SYT14: variants seen among roughly 807,000 people sequenced by gnomAD.
SYT14 encodes the protein synaptotagmin-14.
Under a neutral mutation model 74.2 loss-of-function variants are expected in SYT14, and 32 were observed. That is an observed-to-expected ratio of 0.43 (90% CI 0.33 to 0.58). The LOEUF is 0.58. Among genes scored for constraint, SYT14 ranks in the 20% least tolerant of loss-of-function variants. SYT14 has a pLI of 0.05. For missense variants in SYT14, 791 were observed against 981.8 expected (o/e 0.81, Z 2.60); for synonymous variants, 298 against 337.7 (o/e 0.88, Z 1.29).
chr1:210,115,819 T>A (rs1210131168), intron 7 of SYT14, among the ~76,000 whole-genome samples: 3 of 150,834 alleles, frequency 2.0e-5, no homozygotes, highest in South Asian at 2.1e-4. Context: ...CCAAGGGAGG[T>A]CTCCCAGTCT....
intron 5 of SYT14, among the ~76,000 whole-genome samples, chr1:210,053,846 T>A (rs918750126): frequency 6.6e-6 from 1 of 152,214 alleles, no homozygotes; most frequent in Non-Finnish European, 1.5e-5. Flanking sequence ...TTTGTTTGTT[T>A]TTTTACTTTC....
chr1:210,036,822 G>C (rs1378099437), intron 5 of SYT14, among the ~76,000 whole-genome samples: 1 of 151,866 alleles, frequency 6.6e-6, no homozygotes. Flanking sequence ...GTACTGCTAG[G>C]TTCAGTTTGC....
At chr1:210,012,175 C>T (rs1292892110) in intron 2 of SYT14, among the ~76,000 whole-genome samples, 1 of 152,172 alleles carries the variant, frequency 6.6e-6, no homozygotes, top group Admixed American at 6.5e-5. Context: ...AAAATATAAT[C>T]ATAGAGTCCA....
At chr1:210,041,308 T>C (rs1225100949) in intron 5 of SYT14, among the ~76,000 whole-genome samples, 1 of 152,184 alleles carries the variant, frequency 6.6e-6, no homozygotes, top group Non-Finnish European at 1.5e-5. Flanking sequence ...GAGGGACTTA[T>C]GGTGGCTACT....
chr1:209,951,224 C>A (rs1230835251), intron 1 of SYT14, among the ~76,000 whole-genome samples: 1 of 152,132 alleles, frequency 6.6e-6, no homozygotes, highest in African/African-American at 2.4e-5. Flanking sequence ...CTCTAAAACT[C>A]CTCATCTATC....
chr1:209,985,409 A>G (rs1166357206), intron 2 of SYT14, among the ~76,000 whole-genome samples: 1 of 152,222 alleles, frequency 6.6e-6, no homozygotes, highest in Non-Finnish European at 1.5e-5. Context: ...TTCAGGGCAC[A>G]CTGCTTCAAG....
chr1:210,026,662 C>A (rs1029142591), intron 5 of SYT14, among the ~76,000 whole-genome samples: 1 of 150,802 alleles, frequency 6.6e-6, no homozygotes, highest in South Asian at 2.1e-4. Context: ...ACTTGTCATT[C>A]TCTTTCTGTT....
At chr1:210,156,683 C>CTTTTTTTTTTTT (rs71146208) in intron 8 of SYT14, among the ~76,000 whole-genome samples, 4 of 55,962 alleles carry the variant, frequency 7.1e-5, no homozygotes, top group Non-Finnish European at 1.3e-4. Flanking sequence ...GTGGCAGCTT[C>CTTTTTTTTTTTT]TTTTTTTTTT....
chr1:210,084,002 G>A (rs1356459200), intron 5 of SYT14, among the ~76,000 whole-genome samples: 3 of 152,120 alleles, frequency 2.0e-5, no homozygotes, highest in Non-Finnish European at 4.4e-5. Context: ...ATCATGCCTG[G>A]CCTAGAAGAT....
At chr1:210,145,798 G>A (rs1023423055) in intron 7 of SYT14, among the ~76,000 whole-genome samples, 1 of 152,084 alleles carries the variant, frequency 6.6e-6, no homozygotes, top group African/African-American at 2.4e-5. Context: ...CCCTATGCCT[G>A]CTGAAATACT....
rs572056285 is a variant in SYT14, at chr1:210,090,020, C to T, written c.1313-4302C>T. 7.8e-4 allele frequency among the ~76,000 whole-genome samples: 119 copies of T among 152,220 alleles called. 1 individual carries two copies. Among genetic ancestry groups the T allele is most frequent in the Non-Finnish European group, 1.3e-3 (89 of 68,010 alleles). On this transcript the variant is annotated intron_variant, in intron 5 of 9. Transcript: ENST00000637265. ...GACCAGTCTGATTGGTTGGAGGAGGCGACCAATCAGAGGCTGAAGTGAAGT... is the reference window on the plus strand; with the variant it reads ...GACCAGTCTGATTGGTTGGAGGAGGTGACCAATCAGAGGCTGAAGTGAAGT...
At chr1:210,140,675 T>A (rs2082895790) in intron 7 of SYT14, among the ~76,000 whole-genome samples, 2 of 152,166 alleles carry the variant, frequency 1.3e-5, no homozygotes, top group African/African-American at 4.8e-5. Context: ...GTTGATTTTT[T>A]AATACGGTGT....
intron 7 of SYT14, among the ~76,000 whole-genome samples, chr1:210,101,162 T>C (rs1049103374): frequency 6.6e-6 from 1 of 152,152 alleles, no homozygotes; most frequent in Non-Finnish European, 1.5e-5. Context: ...GAGAAATGTC[T>C]GCACTGTTTA....
chr1:210,136,929 C>G (rs879444662), intron 7 of SYT14, among the ~76,000 whole-genome samples: 3 of 152,000 alleles, frequency 2.0e-5, no homozygotes, highest in Admixed American at 2.0e-4. Context: ...AATCTGTGAG[C>G]CAGGTGGAAT....
chr1:210,000,466 G>GCGCACACACACACA lies in SYT14; in HGVS notation c.-485-13166_-485-13165insGCACACACACACAC, dbSNP rs1553264180. On this transcript the variant is annotated intron_variant, in intron 2 of 9. Transcript: ENST00000637265. ...TTATTTTAGTCCTTTGTCCTCATAC[G>GCGCACACACACACA]CACACACACACACACACACACACAC... is the stretch of plus-strand genomic sequence containing the variant. Among the ~76,000 whole-genome samples, 204 of 143,194 alleles carry GCGCACACACACACA rather than the reference G, an allele frequency of 1.4e-3. 1 individual carries two copies. The highest frequency in any genetic ancestry group is 4.8e-3 in the African/African-American group (182 of 37,852). 93.9% of individuals were successfully genotyped at this position (143,194 alleles called of 152,430 possible).
chr1:210,082,366 A>C (rs1435528198), intron 5 of SYT14, among the ~76,000 whole-genome samples: 5 of 152,182 alleles, frequency 3.3e-5, no homozygotes, highest in East Asian at 1.9e-4. Flanking sequence ...CGAAGAGACT[A>C]CTAGGAATTC....
chr1:210,083,353 G>A (rs1034775314), intron 5 of SYT14, among the ~76,000 whole-genome samples: 34 of 152,148 alleles, frequency 2.2e-4, no homozygotes, highest in Admixed American at 2.1e-3. Context: ...CTTTCAAGGC[G>A]TGACATAAAA....
At chr1:209,950,238 T>G (rs1228108947) in intron 1 of SYT14, among the ~76,000 whole-genome samples, 2 of 152,188 alleles carry the variant, frequency 1.3e-5, no homozygotes, top group Non-Finnish European at 2.9e-5. Context: ...AGAATAAGCC[T>G]TAATATGTAT....
exon 10 of SYT14, chr1:210,161,723 C>T: frequency 2.2e-6 from 1 of 453,802 alleles, no homozygotes; most frequent in Non-Finnish European, 4.4e-6. Context: ...CCGCTTTCGC[C>T]TGATCCAAAG....
Sources: allele counts gnomAD v4.1 joint callset (sites outside exome capture counted in the v4.1 genomes callset), GRCh38; gene constraint gnomAD v4.1.1; transcripts MANE v1.5; gene names NCBI Gene and HGNC (gene_info 2026-07-23, HGNC 2026-07-21).